The following CCDC7 variants were observed in gnomAD, a reference collection of about 807,000 sequenced individuals.
CCDC7 encodes coiled-coil domain-containing protein 7.
CCDC7 carries 183 observed loss-of-function variants against 196.9 expected under a neutral mutation model. That is an observed-to-expected ratio of 0.93 (90% CI 0.82 to 1.05). CCDC7 has a LOEUF of 1.05. Among genes scored for constraint, CCDC7 ranks in the 50% least tolerant of loss-of-function variants. The pLI is 0.00. For synonymous variants in CCDC7, 525 were observed against 484.6 expected, an observed-to-expected ratio of 1.08 and a Z score of -1.10; for missense variants, 1,540 against 1,482.2, an observed-to-expected ratio of 1.04 and a Z score of -0.64.
At chr10:32,568,340 G>C (rs1014716208) in intron 15 of CCDC7, among the ~76,000 whole-genome samples, 2 of 151,982 alleles carry the variant, frequency 1.3e-5, no homozygotes, top group African/African-American at 4.8e-5. Context: ...TTTACCTTCT[G>C]TATATGTCAA....
chr10:32,808,578 C>T (rs2086361224), intron 30 of CCDC7, among the ~76,000 whole-genome samples: 1 of 134,502 alleles, frequency 7.4e-6, no homozygotes, highest in South Asian at 2.4e-4. Context: ...GGCACCATGG[C>T]CAGCACTCAA....
intron 11 of CCDC7, among the ~76,000 whole-genome samples, chr10:32,534,712 G>A (rs2050197964): frequency 6.6e-6 from 1 of 152,026 alleles, no homozygotes; most frequent in African/African-American, 2.4e-5. Flanking sequence ...GCTGGCCAGG[G>A]ATTTGGGCCA....
At chr10:32,820,347 TG>T (rs1423375150) in intron 31 of CCDC7, among the ~76,000 whole-genome samples, 1 of 152,190 alleles carries the variant, frequency 6.6e-6, no homozygotes, top group Non-Finnish European at 1.5e-5. Flanking sequence ...TCCATGCTCA[TG>T]GGTAGGAAGA....
intron 14 of CCDC7, among the ~76,000 whole-genome samples, chr10:32,567,123 T>C (rs913632142): frequency 4.1e-5 from 6 of 147,274 alleles, no homozygotes; most frequent in South Asian, 2.1e-4. Context: ...AAAAAGGATA[T>C]ATCTCAAAAT....
At chr10:32,874,176 TAA>T (rs1168475574) in intron 41 of CCDC7, among the ~76,000 whole-genome samples, 1 of 148,776 alleles carries the variant, frequency 6.7e-6, no homozygotes, top group Admixed American at 6.8e-5. Flanking sequence ...TATTCAATTA[TAA>T]AGATATATAA....
intron 16 of CCDC7, among the ~76,000 whole-genome samples, chr10:32,576,834 A>C (rs564238514): frequency 2.0e-5 from 3 of 152,096 alleles, no homozygotes; most frequent in Admixed American, 6.6e-5. Flanking sequence ...TCTTTTGAAT[A>C]AATTCCTTAT....
intron 24 of CCDC7, among the ~76,000 whole-genome samples, chr10:32,701,752 G>A (rs1366127091): frequency 2.0e-5 from 3 of 152,110 alleles, no homozygotes; most frequent in African/African-American, 4.8e-5. Context: ...TTGGGAGGGT[G>A]TATGTGTTGA....
intron 18 of CCDC7, among the ~76,000 whole-genome samples, chr10:32,631,798 A>G (rs899053837): frequency 1.3e-5 from 2 of 152,084 alleles, no homozygotes; most frequent in African/African-American, 4.8e-5. Flanking sequence ...CTTCTCATTT[A>G]TCATATATTC....
chr10:32,776,654 T>G (rs2080109624), intron 28 of CCDC7, among the ~76,000 whole-genome samples: 1 of 152,222 alleles, frequency 6.6e-6, no homozygotes, highest in South Asian at 2.1e-4. Context: ...TTATAATGAT[T>G]AAATGAGATA....
intron 23 of CCDC7, among the ~76,000 whole-genome samples, chr10:32,694,191 A>G (rs2077412744): frequency 6.6e-6 from 1 of 152,162 alleles, no homozygotes; most frequent in Non-Finnish European, 1.5e-5. Context: ...CACTATGACA[A>G]CCATCATTCA....
At chr10:32,643,899 G>C (rs542342345) in intron 20 of CCDC7, among the ~76,000 whole-genome samples, 1 of 144,936 alleles carries the variant, frequency 6.9e-6, no homozygotes, top group African/African-American at 2.5e-5. Context: ...AAAATTAATT[G>C]GTCTTTTCAA....
exon 35 of CCDC7, chr10:32,845,556 C>T (rs761522695): frequency 1.2e-6 from 2 of 1,610,468 alleles, no homozygotes. Context: ...CTGATAAGAA[C>T]TTCTTTGCCT....
intron 21 of CCDC7, among the ~76,000 whole-genome samples, chr10:32,681,914 G>A (rs932950568): frequency 6.6e-6 from 1 of 151,920 alleles, no homozygotes; most frequent in African/African-American, 2.4e-5. Context: ...CTCAGAGGTT[G>A]TTCTTGTCTT....
intron 41 of CCDC7, among the ~76,000 whole-genome samples, chr10:32,861,109 CAT>C (rs1414726095): frequency 2.3e-5 from 1 of 43,428 alleles, no homozygotes; most frequent in African/African-American, 7.7e-5. Context: ...CCAAGACAAT[CAT>C]AAGCAAAAAA....
At chr10:32,775,568 A>G (rs1454987727) in intron 28 of CCDC7, among the ~76,000 whole-genome samples, 1 of 152,192 alleles carries the variant, frequency 6.6e-6, no homozygotes, top group African/African-American at 2.4e-5. Flanking sequence ...TATATACTAT[A>G]TAATCCAAAA....
chr10:32,632,232 G>A (rs2064980323), intron 18 of CCDC7, among the ~76,000 whole-genome samples: 1 of 151,494 alleles, frequency 6.6e-6, no homozygotes, highest in African/African-American at 2.4e-5. Context: ...TTACTTTAGT[G>A]GGAAAGCATT....
At chr10:32,562,793 G>C (rs1348510975) in intron 13 of CCDC7, among the ~76,000 whole-genome samples, 1 of 152,014 alleles carries the variant, frequency 6.6e-6, no homozygotes, top group Non-Finnish European at 1.5e-5. Context: ...TGGAAGTTCT[G>C]GCCAGGGCAA....
At chr10:32,584,155 G>T in intron 17 of CCDC7, 77 bp from the exon 19 acceptor site, 1 of 622,616 alleles carries the variant, frequency 1.6e-6, no homozygotes, top group Non-Finnish European at 2.4e-6. Context: ...TCTCAAAGCA[G>T]GTAATTAAAT....
Position 32,642,026 on chromosome 10 carries a change from G to A in CCDC7, c.2014+6868G>A, listed in dbSNP as rs563176930. On this transcript the variant is annotated intron_variant, in intron 20 of 41. Coordinates refer to ENST00000639629, the Ensembl canonical transcript of CCDC7. ...GTTTCTCTGGAAGTTTTGTCTCAGA[G>A]GAGTACTAGGTCATGTGAGGTGTCA... 2.2e-4 allele frequency among the ~76,000 whole-genome samples: 34 copies of A among 152,276 alleles called. 1 individual carries two copies. The highest frequency in any genetic ancestry group is 7.5e-4 in the African/African-American group (31 of 41,556).
Sources: allele counts gnomAD v4.1 joint callset (sites outside exome capture counted in the v4.1 genomes callset), GRCh38; gene constraint gnomAD v4.1.1; transcripts MANE v1.5; gene names NCBI Gene and HGNC (gene_info 2026-07-23, HGNC 2026-07-21).